The following ATRNL1 variants were observed in gnomAD, a reference collection of about 807,000 sequenced individuals.
ATRNL1 encodes the protein attractin like 1, also known as attractin-like protein 1.
A neutral mutation model predicts 182.7 loss-of-function variants in ATRNL1; 95 were observed. That is an observed-to-expected ratio of 0.52 (90% CI 0.44 to 0.62). The LOEUF is 0.62. ATRNL1 is among the 20% of genes least tolerant of loss of function. ATRNL1 has a pLI of 0.00. For synonymous variants in ATRNL1, 576 were observed against 568.3 expected (o/e 1.01, Z -0.19); for missense variants, 1,471 against 1,679.5 (o/e 0.88, Z 2.17).
At chr10:115,168,767 T>C (rs1316584548) in intron 7 of ATRNL1, among the ~76,000 whole-genome samples, 1 of 152,094 alleles carries the variant, frequency 6.6e-6, no homozygotes, top group East Asian at 1.9e-4. Flanking sequence ...CTGTTTTCAC[T>C]TTCTTGATGT....
chr10:115,877,135 G>A (rs137885465), intron 28 of ATRNL1, among the ~76,000 whole-genome samples: 36 of 152,306 alleles, frequency 2.4e-4, no homozygotes, highest in African/African-American at 7.9e-4. Context: ...TTTCTTAGAA[G>A]CACGAGAACA....
chr10:115,885,126 T>C (rs1320889922), intron 28 of ATRNL1, among the ~76,000 whole-genome samples: 10 of 152,228 alleles, frequency 6.6e-5, no homozygotes, highest in Admixed American at 5.9e-4. Context: ...GCATTAGCTA[T>C]GTAATTAAAT....
chr10:115,737,842 C>T (rs1398693308), intron 27 of ATRNL1, among the ~76,000 whole-genome samples: 2 of 152,104 alleles, frequency 1.3e-5, no homozygotes, highest in Non-Finnish European at 2.9e-5. Context: ...TGACTTTTCT[C>T]TTGGTGTTTA....
chr10:115,098,453 CTTTTTTTTTT>C (rs71010006), intron 1 of ATRNL1, among the ~76,000 whole-genome samples: 1,383 of 80,836 alleles, frequency 0.017, 39 homozygotes, highest in African/African-American at 0.081. Context: ...ATACTAGTTT[CTTTTTTTTTT>C]TTTTTTTTTT....
At chr10:115,447,614 A>G (rs1203487572) in intron 21 of ATRNL1, among the ~76,000 whole-genome samples, 1 of 151,928 alleles carries the variant, frequency 6.6e-6, no homozygotes, top group Non-Finnish European at 1.5e-5. Flanking sequence ...ATGCAGCCAT[A>G]GTGCATTTAT....
At chr10:115,321,814 G>T (rs1854599706) in intron 18 of ATRNL1, among the ~76,000 whole-genome samples, 1 of 151,914 alleles carries the variant, frequency 6.6e-6, no homozygotes, top group Non-Finnish European at 1.5e-5. Flanking sequence ...TGGAAAGAAG[G>T]GAGTCAAATT....
chr10:115,584,011 TG>T (rs1855315720), intron 26 of ATRNL1, among the ~76,000 whole-genome samples: 1 of 152,210 alleles, frequency 6.6e-6, no homozygotes, highest in South Asian at 2.1e-4. Flanking sequence ...GAGATAGTCA[TG>T]TGGTTTTTGT....
intron 26 of ATRNL1, among the ~76,000 whole-genome samples, chr10:115,623,125 A>G (rs1857879839): frequency 6.6e-6 from 1 of 152,200 alleles, no homozygotes; most frequent in South Asian, 2.1e-4. Context: ...ATCATTTAAA[A>G]ATTGTACAAT....
chr10:115,316,946 T>C (rs150139039), intron 18 of ATRNL1, among the ~76,000 whole-genome samples: 202 of 152,364 alleles, frequency 1.3e-3, no homozygotes, highest in African/African-American at 4.5e-3. Context: ...ATTTTGACTT[T>C]TGTTGCAGCT....
chr10:115,362,654 A>G (rs1363504161), intron 19 of ATRNL1, among the ~76,000 whole-genome samples: 22 of 152,076 alleles, frequency 1.4e-4, no homozygotes, highest in African/African-American at 2.2e-4. Context: ...ATATCTCCCA[A>G]TGCTATCCCT....
intron 25 of ATRNL1, among the ~76,000 whole-genome samples, chr10:115,536,913 GT>G (rs1565145127): frequency 6.6e-6 from 1 of 152,144 alleles, no homozygotes; most frequent in Non-Finnish European, 1.5e-5. Flanking sequence ...TTGCCAAAAA[GT>G]TTTTTAAACA....
chr10:115,110,292 T>C (rs1844202076), intron 1 of ATRNL1, among the ~76,000 whole-genome samples: 1 of 152,160 alleles, frequency 6.6e-6, no homozygotes. Flanking sequence ...AGCAGAGTAT[T>C]TCCCCTGGGT....
At chr10:115,212,357 G>A (rs1341440873) in intron 8 of ATRNL1, among the ~76,000 whole-genome samples, 1 of 150,372 alleles carries the variant, frequency 6.7e-6, no homozygotes, top group Non-Finnish European at 1.5e-5. Context: ...TGTAATAGTA[G>A]TGAGGTTGCA....
At chr10:115,386,699 A>G (rs1162509790) in intron 19 of ATRNL1, among the ~76,000 whole-genome samples, 1 of 151,688 alleles carries the variant, frequency 6.6e-6, no homozygotes, top group Non-Finnish European at 1.5e-5. Flanking sequence ...GTTTTAGGAT[A>G]CATGTGCACA....
intron 26 of ATRNL1, among the ~76,000 whole-genome samples, chr10:115,700,420 T>C (rs1946696558): frequency 6.6e-6 from 1 of 152,098 alleles, no homozygotes; most frequent in Non-Finnish European, 1.5e-5. Flanking sequence ...GGTTTTGTGG[T>C]TTTGATTTCC....
At chr10:115,521,124 G>A (rs1313588098) in intron 25 of ATRNL1, among the ~76,000 whole-genome samples, 2 of 147,294 alleles carry the variant, frequency 1.4e-5, no homozygotes, top group Non-Finnish European at 3.0e-5. Context: ...ATTATTGAAT[G>A]CATTAAAACA....
intron 26 of ATRNL1, among the ~76,000 whole-genome samples, chr10:115,718,713 C>T (rs782164310): frequency 3.3e-5 from 5 of 152,158 alleles, no homozygotes; most frequent in African/African-American, 7.2e-5. Flanking sequence ...TAAAATTTCC[C>T]GAAGAGTCAC....
chr10:115,461,020 A>T (rs1265341542), intron 21 of ATRNL1, among the ~76,000 whole-genome samples: 2 of 152,120 alleles, frequency 1.3e-5, no homozygotes, highest in Admixed American at 1.3e-4. Flanking sequence ...ATAAATATAT[A>T]GGTTGAATCT....
intron 28 of ATRNL1, among the ~76,000 whole-genome samples, chr10:115,902,704 G>A (rs782527724): frequency 5.9e-5 from 9 of 152,176 alleles, no homozygotes; most frequent in East Asian, 3.9e-4. Flanking sequence ...GAAAATCAGC[G>A]AATATTTGGA....
Sources: allele counts gnomAD v4.1 joint callset (sites outside exome capture counted in the v4.1 genomes callset), GRCh38; gene constraint gnomAD v4.1.1; transcripts MANE v1.5; gene names NCBI Gene and HGNC (gene_info 2026-07-23, HGNC 2026-07-21).